ARHGAP15: variants seen among roughly 807,000 people sequenced by gnomAD.
ARHGAP15 encodes rho GTPase-activating protein 15.
Under a neutral mutation model 63.7 loss-of-function variants are expected in ARHGAP15, and 51 were observed. The observed-to-expected ratio is 0.80, with a 90% confidence interval of 0.64 to 1.01. The LOEUF (loss-of-function observed/expected upper bound fraction) is 1.01. Ranked by LOEUF, ARHGAP15 falls within the 50% of genes least tolerant of loss-of-function variation. ARHGAP15 has a pLI of 0.00. For synonymous variants in ARHGAP15, 191 were observed against 193.8 expected (o/e 0.99, Z 0.12); for missense variants, 560 against 564.6 (o/e 0.99, Z 0.08).
intron 10 of ARHGAP15, among the ~76,000 whole-genome samples, chr2:143,523,769 G>A (rs1694152223): frequency 6.6e-6 from 1 of 152,002 alleles, no homozygotes; most frequent in African/African-American, 2.4e-5. Flanking sequence ...CCCGGTTCTG[G>A]TTAATATGTA....
intron 9 of ARHGAP15, among the ~76,000 whole-genome samples, chr2:143,488,567 C>A (rs139388873): frequency 6.6e-6 from 1 of 152,154 alleles, no homozygotes; most frequent in African/African-American, 2.4e-5. Flanking sequence ...AAACTCCTAA[C>A]CCTCAGAAGA....
At chr2:143,538,218 C>T (rs1055116817) in intron 10 of ARHGAP15, among the ~76,000 whole-genome samples, 18 of 152,214 alleles carry the variant, frequency 1.2e-4, no homozygotes, top group African/African-American at 2.2e-4. Flanking sequence ...GTGATTTTTG[C>T]ACATTGATTT....
At chr2:143,520,722 G>A (rs1419455733) in intron 10 of ARHGAP15, among the ~76,000 whole-genome samples, 3 of 152,130 alleles carry the variant, frequency 2.0e-5, no homozygotes, top group Non-Finnish European at 4.4e-5. Context: ...ATATTATAAA[G>A]TTATTATTTC....
intron 6 of ARHGAP15, among the ~76,000 whole-genome samples, chr2:143,343,293 A>G (rs566786720): frequency 6.6e-6 from 1 of 152,188 alleles, no homozygotes; most frequent in Admixed American, 6.6e-5. Context: ...TCTACAGAGC[A>G]TGAGGACGCA....
intron 13 of ARHGAP15, chr2:143,703,832 G>T (rs1199816021): frequency 4.9e-6 from 1 of 205,462 alleles, no homozygotes; most frequent in Non-Finnish European, 9.6e-6. Flanking sequence ...CTAACATAAT[G>T]AAAGAACATG....
At chr2:143,305,890 A>G (rs770952445) in intron 6 of ARHGAP15, among the ~76,000 whole-genome samples, 1 of 152,172 alleles carries the variant, frequency 6.6e-6, no homozygotes, top group Non-Finnish European at 1.5e-5. Flanking sequence ...TTTAGTGCCA[A>G]GAGCATGCCA....
chr2:143,713,030 G>A lies in ARHGAP15; in HGVS notation c.1244+9506G>A, dbSNP rs188961296. Reference sequence around the variant, plus strand: ...ATTTTTGTTGAACAAATGGAATCGCGTTACTTCATTGAACAAGATGATAAT... The same window carrying A: ...ATTTTTGTTGAACAAATGGAATCGCATTACTTCATTGAACAAGATGATAAT... On this transcript the variant is annotated intron_variant, in intron 13 of 13. Transcript: ENST00000295095. Among the ~76,000 whole-genome samples the A allele has an allele frequency of 1.2e-4, 19 of 152,218 alleles. No individual in the cohort carries two copies. In the East Asian group the frequency reaches 3.1e-3, roughly 25 times the overall value.
Position 143,648,484 on chromosome 2 carries a change from CAA to C in ARHGAP15, c.1138+24218_1138+24219del, listed in dbSNP as rs1033773008. On this transcript the variant is annotated intron_variant, in intron 12 of 13. Coordinates refer to ENST00000295095, the MANE Select transcript of ARHGAP15 (RefSeq NM_018460.4). ...TTGTTCCTCTTCTCATTCGTGAACT[CAA>C]GAGAATAAACTTGGATCTACATGTT... Among the ~76,000 whole-genome samples the C allele has an allele frequency of 3.3e-5, 5 of 151,942 alleles. 1 individual carries two copies. The highest frequency in any genetic ancestry group is 1.3e-4 in the Admixed American group (2 of 15,230).
rs368295686 is a variant in ARHGAP15 at position 143,598,908 on chromosome 2, T to A, written c.1004-25225T>A. Among the ~76,000 whole-genome samples the A allele has an allele frequency of 9.2e-5, 14 of 151,972 alleles. No homozygotes were observed. In the East Asian group the frequency reaches 1.9e-3, roughly 21 times the overall value. ...CTCCATCCTCGGAGACAGCAAGACC[T>A]TATCTTAAAAAATAAGTTGGTTTTT... On this transcript the variant is annotated intron_variant, in intron 11 of 13. Transcript: ENST00000295095.
chr2:143,736,081 G>A (rs996498754), intron 13 of ARHGAP15, among the ~76,000 whole-genome samples: 1 of 152,098 alleles, frequency 6.6e-6, no homozygotes, highest in Non-Finnish European at 1.5e-5. Flanking sequence ...AGTAAGCCAG[G>A]TCCTTAACCT....
At chr2:143,243,625 G>A (rs570109151) in intron 5 of ARHGAP15, among the ~76,000 whole-genome samples, 98 of 152,066 alleles carry the variant, frequency 6.4e-4, no homozygotes, top group African/African-American at 2.1e-3. Flanking sequence ...CTGTAGAATC[G>A]GAAATATGTT....
intron 2 of ARHGAP15, among the ~76,000 whole-genome samples, chr2:143,181,534 C>T (rs1205351322): frequency 6.6e-6 from 1 of 152,236 alleles, no homozygotes; most frequent in Non-Finnish European, 1.5e-5. Context: ...GCTTCTACAA[C>T]AGCACTTTCA....
rs1362315937 is a variant in ARHGAP15, at chr2:143,673,756, G to GTA, written c.1139-29662_1139-29661insAT. Among the ~76,000 whole-genome samples, 125 of 30,972 alleles carry GTA rather than the reference G, an allele frequency of 4.0e-3. 1 individual carries two copies. Among genetic ancestry groups the GTA allele is most frequent in the African/African-American group, 7.9e-3 (113 of 14,218 alleles). 20.3% of individuals were successfully genotyped at this position (30,972 alleles called of 152,430 possible). On this transcript the variant is annotated intron_variant, in intron 12 of 13. Transcript: ENST00000295095. ...TGTGTGTGTGTGTGTGTGTGTGTGT[G>GTA]TGTATATATATATATATATATATAT... is the stretch of plus-strand genomic sequence containing the variant.
At chr2:143,360,726 A>G (rs538013365) in intron 6 of ARHGAP15, among the ~76,000 whole-genome samples, 3 of 152,318 alleles carry the variant, frequency 2.0e-5, no homozygotes, top group African/African-American at 7.2e-5. Flanking sequence ...CTTACAAAAC[A>G]GTCTGTGACT....
chr2:143,477,212 GCA>G (rs10526603), intron 8 of ARHGAP15, among the ~76,000 whole-genome samples: 14,520 of 149,792 alleles, frequency 0.097, 861 homozygotes, highest in African/African-American at 0.17. Context: ...ACACACTCGC[GCA>G]CACACACACA....
intron 3 of ARHGAP15, among the ~76,000 whole-genome samples, chr2:143,202,629 A>G (rs1692165858): frequency 1.3e-5 from 2 of 152,272 alleles, no homozygotes; most frequent in South Asian, 2.1e-4. Flanking sequence ...TAAAAGCAAT[A>G]CGCCATCAGC....
intron 6 of ARHGAP15, among the ~76,000 whole-genome samples, chr2:143,290,511 G>A (rs1055524811): frequency 4.6e-5 from 7 of 151,868 alleles, no homozygotes; most frequent in Admixed American, 6.6e-5. Context: ...AAATCTTCTG[G>A]TCTTCCAAGA....
chr2:143,325,282 C>T (rs1334950069), intron 6 of ARHGAP15, among the ~76,000 whole-genome samples: 1 of 152,100 alleles, frequency 6.6e-6, no homozygotes, highest in Non-Finnish European at 1.5e-5. Context: ...TACCATAGTT[C>T]AGAGCATTTC....
chr2:143,501,014 A>G (rs933777739), intron 9 of ARHGAP15, among the ~76,000 whole-genome samples: 3 of 152,192 alleles, frequency 2.0e-5, no homozygotes, highest in African/African-American at 7.2e-5. Context: ...TTGAACTTGG[A>G]ACTCAGATTC....
Sources: allele counts gnomAD v4.1 joint callset (sites outside exome capture counted in the v4.1 genomes callset), GRCh38; gene constraint gnomAD v4.1.1; transcripts MANE v1.5; gene names NCBI Gene and HGNC (gene_info 2026-07-23, HGNC 2026-07-21).